MLLT3: variants seen among roughly 807,000 people sequenced by gnomAD.
MLLT3 encodes MLLT3 super elongation complex subunit.
In MLLT3, 4 loss-of-function variants were observed where a neutral mutation model predicts 53.2. That is an observed-to-expected ratio of 0.08 (90% CI 0.04 to 0.17). The LOEUF (loss-of-function observed/expected upper bound fraction) is 0.17. MLLT3 is among the 10% of genes least tolerant of loss of function. The pLI is 1.00. For missense variants in MLLT3, 569 were observed against 684.0 expected (o/e 0.83, Z 1.87); for synonymous variants, 283 against 230.6 (o/e 1.23, Z -2.06).
At chr9:20,512,665 T>G (rs12346032) in intron 2 of MLLT3, among the ~76,000 whole-genome samples, 10,127 of 152,250 alleles carry the variant, frequency 0.067, 526 homozygotes, top group South Asian at 0.24. Flanking sequence ...CAAAGTTCAT[T>G]TATTGTTTTT....
At chr9:20,558,130 G>C (rs750589791) in intron 2 of MLLT3, among the ~76,000 whole-genome samples, 7 of 152,180 alleles carry the variant, frequency 4.6e-5, no homozygotes, top group Non-Finnish European at 8.8e-5. Flanking sequence ...AGCAGCTCTG[G>C]AGAACATGGG....
chr9:20,404,162 T>C (rs949210176), intron 5 of MLLT3, among the ~76,000 whole-genome samples: 1 of 152,132 alleles, frequency 6.6e-6, no homozygotes, highest in Admixed American at 6.6e-5. Flanking sequence ...TTGAGAAAGA[T>C]TCTGCTTTTA....
intron 2 of MLLT3, among the ~76,000 whole-genome samples, chr9:20,484,931 T>C (rs1434505932): frequency 6.6e-6 from 1 of 152,196 alleles, no homozygotes; most frequent in Non-Finnish European, 1.5e-5. Context: ...TTTGAAAATA[T>C]GAATCAAATT....
intron 2 of MLLT3, among the ~76,000 whole-genome samples, chr9:20,474,521 C>CCAA (rs1482035458): frequency 6.6e-6 from 1 of 152,072 alleles, no homozygotes; most frequent in Admixed American, 6.6e-5. Flanking sequence ...CCATATACTA[C>CCAA]AAGGCTCGGT....
chr9:20,481,970 A>G (rs2118906099), intron 2 of MLLT3, among the ~76,000 whole-genome samples: 1 of 152,328 alleles, frequency 6.6e-6, no homozygotes, highest in South Asian at 2.1e-4. Flanking sequence ...TCTCAAGAAC[A>G]TGCTGAAAAA....
rs56934102 is a variant in MLLT3, at chr9:20,343,214, A to AAAAAAAAAAAAAAAAAAAAAAAAT, written c.*3228_*3229insATTTTTTTTTTTTTTTTTTTTTTT. 4 of 115,060 alleles carry AAAAAAAAAAAAAAAAAAAAAAAAT rather than the reference A, an allele frequency of 3.5e-5. No homozygotes were observed. Among genetic ancestry groups the AAAAAAAAAAAAAAAAAAAAAAAAT allele is most frequent in the African/African-American group, 2.0e-4 (3 of 14,930 alleles). 7.1% of individuals were successfully genotyped at this position (115,060 alleles called of 1,614,324 possible). A position where few individuals can be genotyped will look rare whatever the true frequency, so the allele number is the denominator to read the frequency against. On this transcript the variant is annotated 3_prime_UTR_variant, in exon 11 of 11. Transcript: ENST00000380338. ...AAAAAAAAAAAAAAAAAAAAAAAAA[A>AAAAAAAAAAAAAAAAAAAAAAAAT]TTTTGAAGAAACTTTTTAGTGGAAG...
intron 2 of MLLT3, among the ~76,000 whole-genome samples, chr9:20,458,751 T>C (rs1481900558): frequency 6.6e-6 from 1 of 152,278 alleles, no homozygotes; most frequent in East Asian, 1.9e-4. Flanking sequence ...TTTGTGTTGT[T>C]TATAAGCCAT....
chr9:20,436,918 T>C (rs760840485), intron 4 of MLLT3, among the ~76,000 whole-genome samples: 1 of 152,172 alleles, frequency 6.6e-6, no homozygotes, highest in African/African-American at 2.4e-5. Flanking sequence ...TCATTTCTCA[T>C]GCATTATCTC....
intron 2 of MLLT3, among the ~76,000 whole-genome samples, chr9:20,569,702 G>A (rs570106932): frequency 6.6e-6 from 1 of 152,270 alleles, no homozygotes; most frequent in African/African-American, 2.4e-5. Context: ...GGTTTGGAGT[G>A]AAGAGACCAT....
intron 5 of MLLT3, among the ~76,000 whole-genome samples, chr9:20,380,936 G>C (rs955037827): frequency 2.6e-5 from 4 of 151,970 alleles, no homozygotes; most frequent in Admixed American, 1.3e-4. Flanking sequence ...CTGATGAACT[G>C]AGCAAACTGC....
intron 3 of MLLT3, among the ~76,000 whole-genome samples, chr9:20,451,807 G>A (rs1402061302): frequency 1.3e-5 from 2 of 152,138 alleles, no homozygotes; most frequent in Non-Finnish European, 2.9e-5. Context: ...AGATCAGACT[G>A]AAAGAAAGAA....
chr9:20,557,112 A>C (rs1207584197), intron 2 of MLLT3, among the ~76,000 whole-genome samples: 1 of 152,024 alleles, frequency 6.6e-6, no homozygotes, highest in Admixed American at 6.6e-5. Flanking sequence ...TTTCCTCCAC[A>C]AGCTTTGCAC....
At chr9:20,530,340 TTAAG>T (rs1417636640) in intron 2 of MLLT3, among the ~76,000 whole-genome samples, 1 of 152,200 alleles carries the variant, frequency 6.6e-6, no homozygotes, top group East Asian at 1.9e-4. Flanking sequence ...ATTGAAACTG[TTAAG>T]TAAGAGTTAC....
intron 3 of MLLT3, among the ~76,000 whole-genome samples, chr9:20,452,311 T>C (rs1043168812): frequency 4.6e-5 from 7 of 152,178 alleles, no homozygotes; most frequent in Middle Eastern, 3.2e-3. Flanking sequence ...GTTCTCATGA[T>C]AGTAAGTGAG....
chr9:20,375,558 T>A (rs1308552656), intron 5 of MLLT3, among the ~76,000 whole-genome samples: 2 of 152,010 alleles, frequency 1.3e-5, no homozygotes, highest in East Asian at 1.9e-4. Context: ...AATATTACAA[T>A]GAATCCTGGC....
rs370753103 is a variant in MLLT3 at position 20,428,269 on chromosome 9, A to C, written c.421-13844T>G. 2.2e-4 allele frequency among the ~76,000 whole-genome samples: 34 copies of C among 152,272 alleles called. No individual in the cohort carries two copies. The East Asian group carries it at 6.4e-3, about 28-fold the overall frequency. On this transcript the variant is annotated intron_variant, in intron 4 of 10. Coordinates refer to ENST00000380338, the MANE Select transcript of MLLT3 (RefSeq NM_004529.4). ...AAATAGGGGCAATAATCAAAACTTTATAGATTAACACAAACTGAGTGTTTA... is the reference window on the plus strand; with the variant it reads ...AAATAGGGGCAATAATCAAAACTTTCTAGATTAACACAAACTGAGTGTTTA...
chr9:20,467,262 G>C (rs1283251336), intron 2 of MLLT3, among the ~76,000 whole-genome samples: 1 of 152,034 alleles, frequency 6.6e-6, no homozygotes, highest in Non-Finnish European at 1.5e-5. Context: ...ACTACAGGCT[G>C]CACCACCATG....
intron 2 of MLLT3, among the ~76,000 whole-genome samples, chr9:20,594,637 A>G (rs1820208450): frequency 6.6e-6 from 1 of 152,218 alleles, no homozygotes; most frequent in African/African-American, 2.4e-5. Context: ...CATAGGTCAT[A>G]AAGACCCTGC....
chr9:20,400,702 T>A (rs780548169), intron 5 of MLLT3, among the ~76,000 whole-genome samples: 2 of 151,992 alleles, frequency 1.3e-5, no homozygotes, highest in African/African-American at 4.8e-5. Context: ...ATTTCATGTA[T>A]ACTTGAAAAT....
Sources: allele counts gnomAD v4.1 joint callset (sites outside exome capture counted in the v4.1 genomes callset), GRCh38; gene constraint gnomAD v4.1.1; transcripts MANE v1.5; gene names NCBI Gene and HGNC (gene_info 2026-07-23, HGNC 2026-07-21).